Variants in CLCN6 observed in about 807,000 individuals in gnomAD.
The protein encoded by CLCN6 is Cl-/H+ antiporter 6, also known as H(+)/Cl(-) exchange transporter 6.
In CLCN6, 70 loss-of-function variants were observed where a neutral mutation model predicts 109.8. That is an observed-to-expected ratio of 0.64 (90% confidence interval 0.53 to 0.78). The LOEUF is 0.78. CLCN6 is among the 30% of genes least tolerant of loss of function. The pLI is 0.00. For synonymous variants in CLCN6, 444 were observed against 447.8 expected (o/e 0.99, Z 0.11); for missense variants, 984 against 1,142.3 (o/e 0.86, Z 2.00).
intron 2 of CLCN6, among the ~76,000 whole-genome samples, chr1:11,808,886 C>T (rs1644560446): frequency 6.6e-6 from 1 of 151,688 alleles, no homozygotes; most frequent in Non-Finnish European, 1.5e-5. Flanking sequence ...GAGATGGAGT[C>T]TCACTCTTAG....
intron 13 of CLCN6, 79 bp from the exon 14 acceptor site, chr1:11,833,436 T>C: frequency 6.8e-7 from 1 of 1,468,706 alleles, no homozygotes; most frequent in South Asian, 1.2e-5. Context: ...CCACCTGTTT[T>C]GGACCCGGCT....
chr1:11,810,594 A>T (rs553023396), intron 2 of CLCN6, among the ~76,000 whole-genome samples: 2 of 152,246 alleles, frequency 1.3e-5, no homozygotes, highest in East Asian at 3.8e-4. Context: ...CCTGCAAGAC[A>T]CAGATAACAT....
intron 18 of CLCN6, 129 bp downstream of exon 18, chr1:11,836,282 A>C: frequency 7.2e-5 from 56 of 773,410 alleles, no homozygotes; most frequent in Middle Eastern, 3.1e-4. Flanking sequence ...CACTGTTCTC[A>C]TCACATGCGA....
chr1:11,824,336 C>T (rs1644784296), intron 7 of CLCN6, 150 bp from the exon 8 acceptor site: 2 of 528,518 alleles, frequency 3.8e-6, no homozygotes, highest in South Asian at 7.2e-5. Context: ...TGAAATGGAG[C>T]TTATTTGGTG....
intron 3 of CLCN6, 134 bp from the exon 4 acceptor site, chr1:11,816,481 G>A: frequency 1.2e-6 from 1 of 811,776 alleles, no homozygotes; most frequent in South Asian, 1.5e-5. Flanking sequence ...TAAAGCACCT[G>A]AAATCCCAAC....
At chr1:11,812,289 A>T (rs567459825) in intron 2 of CLCN6, among the ~76,000 whole-genome samples, 13 of 152,320 alleles carry the variant, frequency 8.5e-5, no homozygotes, top group African/African-American at 3.1e-4. Flanking sequence ...GATACAGAAG[A>T]ACAGCCAGAT....
At chr1:11,812,341 T>C (rs1226754943) in intron 2 of CLCN6, among the ~76,000 whole-genome samples, 1 of 152,232 alleles carries the variant, frequency 6.6e-6, no homozygotes, top group African/African-American at 2.4e-5. Flanking sequence ...GGAGCTTTCA[T>C]GCCCTCTCCA....
At position 11,834,009 on chromosome 1, in the gene CLCN6, T is replaced by C. The variant is rs1446714419; in HGVS notation, c.1505T>C (p.Leu502Ser). 2 of 1,614,030 alleles carry C rather than the reference T, an allele frequency of 1.2e-6. No individual in the cohort carries two copies. The highest frequency in any genetic ancestry group is 1.7e-6 in the Non-Finnish European group (2 of 1,180,000). ...SLLCGAAFGR[L>S]VANVLKSYIG... ...CTGTGTGGAGCTGCTTTTGGACGTTTAGTTGCCAATGTCCTAAAAAGGTAC... is the reference window on the plus strand; with the variant it reads ...CTGTGTGGAGCTGCTTTTGGACGTTCAGTTGCCAATGTCCTAAAAAGGTAC... The change falls in exon 15 of 23, where the codon TTA (leucine) becomes TCA (serine). Residue 502 changes from leucine (L) to serine (S), a missense_variant. Coordinates refer to ENST00000346436, the MANE Select transcript of CLCN6 (RefSeq NM_001286.5). The surrounding 1 kb of genome is among the most constrained non-coding windows in gnomAD (Gnocchi z 4.5).
chr1:11,840,264 A>G lies in CLCN6; in HGVS notation c.*41A>G, dbSNP rs1570546317. The G allele has an allele frequency of 1.3e-6, 2 of 1,539,090 alleles. No individual in the cohort carries two copies. The highest frequency in any genetic ancestry group is 1.8e-6 in the Non-Finnish European group (2 of 1,117,354). On this transcript the variant is annotated 3_prime_UTR_variant, in exon 23 of 23. Coordinates refer to ENST00000346436, the MANE Select transcript of CLCN6 (RefSeq NM_001286.5). ...TCTCCTGGTGCTGCCTGGGGAGGCA[A>G]ATCATGCTCACTCCGGCGGGCACAG...
chr1:11,823,612 G>A, intron 6 of CLCN6, 95 bp from the exon 7 acceptor site: 1 of 1,536,688 alleles, frequency 6.5e-7, no homozygotes, highest in Admixed American at 1.7e-5. Context: ...TAATGAAGGT[G>A]GCCAGCTCTC....
chr1:11,837,476 G>A lies in CLCN6; in HGVS notation c.2272G>A (p.Val758Ile). The change falls in exon 20 of 23, where the codon GTT (valine) becomes ATT (isoleucine). Residue 758 changes from valine (V) to isoleucine (I), a missense_variant. Physicochemically the swap from Val to Ile is conservative, Grantham distance 29. Transcript: ENST00000346436. ...SQLVTLLVRG[V>I]CYSESQSSAS... ...GCTTGTCACCCTGCTTGTCCGAGGA[G>A]TTTGTTACTCTGAAAGCCAGTCGGT... The A allele has an allele frequency of 1.9e-6, 3 of 1,613,984 alleles. No individual in the cohort carries two copies. Among genetic ancestry groups the A allele is most frequent in the Non-Finnish European group, 2.5e-6 (3 of 1,179,880 alleles).
intron 20 of CLCN6, among the ~76,000 whole-genome samples, chr1:11,837,985 T>C (rs900527611): frequency 6.6e-6 from 1 of 152,222 alleles, no homozygotes; most frequent in East Asian, 1.9e-4. Context: ...TCATAGGTAC[T>C]AGGGCTTAGG....
chr1:11,810,346 G>T (rs796425186), intron 2 of CLCN6, among the ~76,000 whole-genome samples: 30 of 152,196 alleles, frequency 2.0e-4, no homozygotes, highest in African/African-American at 7.2e-4. Flanking sequence ...ATGTTTTCAT[G>T]CAGGTCACAC....
chr1:11,836,916 C>G, intron 18 of CLCN6, 83 bp from the exon 19 acceptor site: 2 of 1,523,604 alleles, frequency 1.3e-6, no homozygotes, highest in Non-Finnish European at 1.8e-6. Flanking sequence ...CTGACCCTCC[C>G]TGTCACCCAA....
chr1:11,822,373 C>T (rs1035939341), intron 5 of CLCN6, among the ~76,000 whole-genome samples: 11 of 152,272 alleles, frequency 7.2e-5, no homozygotes, highest in Non-Finnish European at 1.3e-4. Context: ...ATCCTCCCAC[C>T]TCAGCTTCTT....
rs373167140 is a variant in CLCN6 at position 11,823,785 on chromosome 1, C to T, written c.532C>T (p.Arg178Trp). 1.2e-5 allele frequency: 20 copies of T among 1,614,122 alleles called. No homozygotes were observed. Among genetic ancestry groups the T allele is most frequent in the African/African-American group, 6.7e-5 (5 of 74,948 alleles). The change falls in exon 7 of 23, where the codon CGG becomes TGG. Residue 178 changes from arginine (R) to tryptophan (W), a missense_variant. Transcript: ENST00000346436. ...GVKVPGIVRL[R>W]TLLCKVLGVL... is the part of the protein sequence containing the mutation. ...AAAGGTGCCAGGAATCGTCCGTCTC[C>T]GGACCCTGCTCTGCAAGGTCCTTGG...
At chr1:11,820,235 G>A (rs1391833455) in intron 5 of CLCN6, 1 of 568,798 alleles carries the variant, frequency 1.8e-6, no homozygotes, top group African/African-American at 1.9e-5. Context: ...CCAGGAGTTT[G>A]AGGCTGTAAT....
chr1:11,828,268 TTCCTC>T (rs1187519414), intron 11 of CLCN6, 49 bp downstream of exon 11: 2 of 1,553,628 alleles, frequency 1.3e-6, no homozygotes, highest in African/African-American at 1.4e-5. Context: ...CCATGAAAAT[TTCCTC>T]TCAAGTGAAG....
chr1:11,839,209 C>T lies in CLCN6; in HGVS notation c.2529+549C>T, dbSNP rs187960951. Among the ~76,000 whole-genome samples the T allele has an allele frequency of 4.5e-4, 68 of 152,318 alleles. 1 individual carries two copies. Among genetic ancestry groups the T allele is most frequent in the African/African-American group, 1.6e-3 (65 of 41,568 alleles). ...AACCAAACCCTCGTCCCTACCCTGT[C>T]GCGGTAGCCCTGGTAACTTTTCAAG... On this transcript the variant is annotated intron_variant, in intron 22 of 22. Transcript: ENST00000346436.
Sources: gnomAD v4.1 joint callset for allele counts (sites outside exome capture counted in the v4.1 genomes callset) on GRCh38, gnomAD v4.1.1 for gene constraint, Gnocchi (gnomAD v3.1) non-coding constraint, MANE v1.5 for transcripts, NCBI Gene and HGNC (gene_info 2026-07-23, HGNC 2026-07-21) for gene names.